Variants in ZNF420 observed in about 807,000 individuals in gnomAD.
ZNF420 encodes ATM and p53-associated KZNF protein.
A neutral mutation model predicts 44.7 loss-of-function variants in ZNF420; 31 were observed. The ratio of observed to expected loss-of-function variants is 0.69; its 90% CI spans 0.52 to 0.94. The LOEUF (loss-of-function observed/expected upper bound fraction) is 0.94, where lower values mean the gene tolerates loss of function less well. Ranked by LOEUF, ZNF420 falls within the 40% of genes least tolerant of loss-of-function variation. The pLI is 0.00. For missense variants in ZNF420, 681 were observed against 827.9 expected (o/e 0.82, Z 2.18); for synonymous variants, 245 against 267.4 (o/e 0.92, Z 0.82).
intron 1 of ZNF420, among the ~76,000 whole-genome samples, chr19:37,018,831 A>G (rs1568420213): frequency 1.3e-5 from 2 of 152,162 alleles, no homozygotes; most frequent in Admixed American, 1.3e-4. Flanking sequence ...CAGCCTCCCA[A>G]AATGCTGGGA....
chr19:37,101,431 G>A (rs1172153220), intron 4 of ZNF420, among the ~76,000 whole-genome samples: 7 of 152,150 alleles, frequency 4.6e-5, no homozygotes, highest in Non-Finnish European at 1.0e-4. Context: ...GGAGGCAGAG[G>A]TTGCAGTGAG....
chr19:37,080,014 G>A (rs1178872772), intron 1 of ZNF420, among the ~76,000 whole-genome samples: 1 of 151,994 alleles, frequency 6.6e-6, no homozygotes, highest in Non-Finnish European at 1.5e-5. Flanking sequence ...AAATAAATAG[G>A]CCACTGGAAA....
chr19:37,129,381 C>T lies in ZNF420; in HGVS notation c.*323C>T. 3.8e-6 allele frequency: 1 copy of T among 263,482 alleles called. No homozygotes were observed. The highest frequency in any genetic ancestry group is 6.8e-5 in the South Asian group (1 of 14,684). 16.3% of individuals were successfully genotyped at this position (263,482 alleles called of 1,614,324 possible). A position where few individuals can be genotyped will look rare whatever the true frequency, so the allele number is the denominator to read the frequency against. ...ATGTATCATGATACTTAACCTCTAC[C>T]TTGGTTTAATCATTTTAAGATAGAC... On this transcript the variant is annotated 3_prime_UTR_variant, in exon 5 of 5. Coordinates refer to ENST00000337995, the MANE Select transcript of ZNF420 (RefSeq NM_144689.5).
chr19:37,127,326 T>C lies in ZNF420; in HGVS notation c.335T>C (p.Ile112Thr), dbSNP rs995164548. The C allele has an allele frequency of 1.7e-5, 28 of 1,612,642 alleles. No homozygotes were observed. The highest frequency in any genetic ancestry group is 2.3e-5 in the Non-Finnish European group (27 of 1,179,114). The change falls in exon 5 of 5, where the codon ATC becomes ACC. Residue 112 changes from isoleucine to threonine, a missense_variant. Ile to Thr is a moderately conservative substitution (Grantham distance 89, BLOSUM62 -1). This residue lies in a region of ZNF420 where 350 missense variants were observed against 382.5 expected (regional missense o/e 0.92). Coordinates refer to ENST00000337995, the MANE Select transcript of ZNF420 (RefSeq NM_144689.5). ...NQKEYFRQGM[I>T]IYDKMSIFNQ... is the part of the protein sequence containing the mutation. ...AAGGAATATTTCAGGCAAGGGATGA[T>C]CATATATGACAAAATGTCCATTTTC...
chr19:37,085,936 T>TTTATTATTA (rs34624393), intron 2 of ZNF420, among the ~76,000 whole-genome samples: 132 of 137,746 alleles, frequency 9.6e-4, no homozygotes, highest in Middle Eastern at 3.6e-3. Context: ...TGGCTGATGT[T>TTTATTATTA]TTATTATTAT....
At chr19:37,016,618 G>T (rs2074610757) in intron 1 of ZNF420, among the ~76,000 whole-genome samples, 1 of 152,156 alleles carries the variant, frequency 6.6e-6, no homozygotes, top group South Asian at 2.1e-4. Flanking sequence ...CCCATGGATT[G>T]CCAGTTCCAG....
chr19:37,040,694 GT>G (rs1340931132), intron 1 of ZNF420, among the ~76,000 whole-genome samples: 2 of 152,132 alleles, frequency 1.3e-5, no homozygotes, highest in Non-Finnish European at 2.9e-5. Context: ...ACTGTGCCAG[GT>G]ATCACAGTAC....
At chr19:37,062,773 G>A (rs1967900086) in intron 1 of ZNF420, among the ~76,000 whole-genome samples, 2 of 152,152 alleles carry the variant, frequency 1.3e-5, no homozygotes, top group Non-Finnish European at 2.9e-5. Context: ...CTGGGAGACA[G>A]CAGAATCCTG....
At chr19:37,123,783 A>G (rs761530571) in intron 4 of ZNF420, among the ~76,000 whole-genome samples, 4 of 147,090 alleles carry the variant, frequency 2.7e-5, no homozygotes, top group Non-Finnish European at 3.0e-5. Flanking sequence ...GTGTGTGTGT[A>G]TTTTTAGTAG....
upstream of ZNF420, among the ~76,000 whole-genome samples, chr19:37,074,252 T>C (rs1337971983): frequency 6.6e-6 from 1 of 152,202 alleles, no homozygotes; most frequent in African/African-American, 2.4e-5. Context: ...ACCAAAGTAA[T>C]AAAATTTAGT....
intron 1 of ZNF420, among the ~76,000 whole-genome samples, chr19:37,015,250 G>A (rs1003370398): frequency 1.3e-5 from 2 of 152,202 alleles, no homozygotes; most frequent in East Asian, 1.9e-4. Context: ...CTGTGGCTCC[G>A]CTTGGGCTGC....
Position 37,128,977 on chromosome 19 carries a change from G to C in ZNF420, c.1986G>C (p.Gln662His). 1 of 1,614,106 alleles carries C rather than the reference G, an allele frequency of 6.2e-7. No homozygotes were observed. The change falls in exon 5 of 5, where the codon CAG becomes CAC. Residue 662 changes from glutamine (Q) to histidine (H), a missense_variant. Physicochemically the swap from Gln to His is conservative, Grantham distance 24 (BLOSUM62 0). Transcript: ENST00000337995. ...GTGGTTCACAGCTAACTCAACATCAGAGAATTCATATCAGTGAGAAATCTT... is the reference window on the plus strand; with the variant it reads ...GTGGTTCACAGCTAACTCAACATCACAGAATTCATATCAGTGAGAAATCTT... The part of the protein sequence containing the change: ...FTRGSQLTQH[Q>H]RIHISEKSFE...
At chr19:37,117,121 C>A (rs562851729) in intron 4 of ZNF420, among the ~76,000 whole-genome samples, 13 of 152,154 alleles carry the variant, frequency 8.5e-5, no homozygotes, top group African/African-American at 2.7e-4. Flanking sequence ...TCTCCCAGCA[C>A]GCAGCTGGAG....
intron 1 of ZNF420, among the ~76,000 whole-genome samples, chr19:37,051,302 C>T (rs1211691236): frequency 1.3e-5 from 2 of 152,290 alleles, no homozygotes; most frequent in Admixed American, 1.3e-4. Context: ...ATGGTACCAG[C>T]TCCTCCTTGT....
intron 1 of ZNF420, among the ~76,000 whole-genome samples, chr19:37,063,613 A>G (rs979608244): frequency 4.2e-5 from 6 of 142,984 alleles, no homozygotes; most frequent in African/African-American, 1.6e-4. Context: ...TTCAGGGCTC[A>G]GTCCTTTAGA....
chr19:37,127,659 A>G lies in ZNF420; in HGVS notation c.668A>G (p.Tyr223Cys). 2 of 1,614,020 alleles carry G rather than the reference A, an allele frequency of 1.2e-6. No homozygotes were observed. Among genetic ancestry groups the G allele is most frequent in the Non-Finnish European group, 1.7e-6 (2 of 1,179,910 alleles). ...AGAATTCATACTGGTGAAAAACCAT[A>G]TAAATGTGAAGAATGTGGGAAAGCC... Reference protein sequence around the residue: ...HHRIHTGEKPYKCEECGKAFI... With the variant: ...HHRIHTGEKPCKCEECGKAFI... The change falls in exon 5 of 5, where the codon TAT (tyrosine) becomes TGT (cysteine). Residue 223 changes from tyrosine to cysteine, a missense_variant. This residue lies in a region of ZNF420 where 350 missense variants were observed against 382.5 expected (regional missense o/e 0.92). Transcript: ENST00000337995.
At chr19:37,049,355 C>A (rs1242210421) in intron 1 of ZNF420, among the ~76,000 whole-genome samples, 1 of 152,208 alleles carries the variant, frequency 6.6e-6, no homozygotes, top group Non-Finnish European at 1.5e-5. Context: ...GTTCCTATTT[C>A]TCCACATCCT....
intron 1 of ZNF420, among the ~76,000 whole-genome samples, chr19:37,021,936 CAAAAAAAAAAAAAA>C (rs60559933): frequency 1.2e-5 from 1 of 84,584 alleles, no homozygotes; most frequent in African/African-American, 4.3e-5. Context: ...CAGTCTGTCT[CAAAAAAAAAAAAAA>C]AAAAAAAAAA....
At chr19:37,030,324 G>C (rs1200125796) in intron 1 of ZNF420, among the ~76,000 whole-genome samples, 3 of 152,152 alleles carry the variant, frequency 2.0e-5, no homozygotes, top group African/African-American at 7.2e-5. Flanking sequence ...AACACACCAG[G>C]CTAATTTTTT....
Sources: allele counts gnomAD v4.1 joint callset (sites outside exome capture counted in the v4.1 genomes callset), GRCh38; gene constraint gnomAD v4.1.1; regional missense constraint gnomAD v4.1.1; transcripts MANE v1.5; gene names NCBI Gene and HGNC (gene_info 2026-07-23, HGNC 2026-07-21).